KIAA2012: variants seen among roughly 807,000 people sequenced by gnomAD.
KIAA2012 encodes uncharacterized protein KIAA2012.
Under a neutral mutation model 150.6 loss-of-function variants are expected in KIAA2012, and 125 were observed. The ratio of observed to expected loss-of-function variants is 0.83; its 90% CI spans 0.72 to 0.96. The LOEUF (loss-of-function observed/expected upper bound fraction) is 0.96. Among genes scored for constraint, KIAA2012 ranks in the 40% least tolerant of loss-of-function variants. The pLI, the probability that KIAA2012 is intolerant of heterozygous loss-of-function variation, is 0.00. For missense variants in KIAA2012, 1,219 were observed against 1,354.9 expected, an observed-to-expected ratio of 0.90 and a Z score of 1.57; for synonymous variants, 462 against 504.7, an observed-to-expected ratio of 0.92 and a Z score of 1.13.
intron 2 of KIAA2012, among the ~76,000 whole-genome samples, chr2:202,088,470 C>T (rs916848490): frequency 1.3e-5 from 2 of 152,210 alleles, no homozygotes; most frequent in African/African-American, 4.8e-5. Context: ...AAGGATGGGG[C>T]AAGATCTCAA....
chr2:202,150,211 C>G (rs1691393979), intron 13 of KIAA2012, among the ~76,000 whole-genome samples: 1 of 152,162 alleles, frequency 6.6e-6, no homozygotes, highest in Admixed American at 6.5e-5. Flanking sequence ...TTACGCAATG[C>G]CTTCTGTGCA....
chr2:202,203,429 T>C (rs1466170556), intron 23 of KIAA2012, among the ~76,000 whole-genome samples: 1 of 152,198 alleles, frequency 6.6e-6, no homozygotes, highest in Non-Finnish European at 1.5e-5. Context: ...TTCAGCAAAA[T>C]GAGCTGCTTC....
chr2:202,182,119 T>C, intron 15 of KIAA2012, among the ~76,000 whole-genome samples: 1 of 146,314 alleles, frequency 6.8e-6, no homozygotes. Flanking sequence ...TTTTTTTTTT[T>C]TTTTTTTTTT....
At position 202,109,647 on chromosome 2, in the gene KIAA2012, A is replaced by T; in HGVS notation, c.1509A>T (p.Pro503=). The T allele has an allele frequency of 6.5e-7, 1 of 1,549,358 alleles. No individual in the cohort carries two copies. The highest frequency in any genetic ancestry group is 8.7e-7 in the Non-Finnish European group (1 of 1,146,506). ...CCCCACCTCACGATGTGGCCCCACC[A>T]TTGGATCTTCTACCCCCGATTAAAG... is the stretch of plus-strand genomic sequence containing the variant. The part of the protein sequence containing the change: ...DDAPPHDVAP[P]LDLLPPIKGK... Residue 503 remains proline, a synonymous_variant, in exon 10 of 24, where the codon CCA becomes CCT. Transcript: ENST00000498697.
intron 5 of KIAA2012, among the ~76,000 whole-genome samples, chr2:202,099,340 G>T (rs967034476): frequency 9.2e-5 from 14 of 152,070 alleles, no homozygotes; most frequent in Admixed American, 7.2e-4. Context: ...ACTTCATTTT[G>T]ATTTTTAATC....
chr2:202,073,394 G>A lies in KIAA2012; in HGVS notation c.-234G>A. 2.2e-6 allele frequency: 1 copy of A among 463,940 alleles called. No homozygotes were observed. Among genetic ancestry groups the A allele is most frequent in the African/African-American group, 1.9e-5 (1 of 51,822 alleles). The allele number at this position is 463,940 out of a possible 1,614,324, so 28.7% of individuals were successfully genotyped here. A position where few individuals can be genotyped will look rare whatever the true frequency, so the allele number is the denominator to read the frequency against. ...GAGAGTAGACAATCCAGGGCTTGAG[G>A]AGGCTGGCTGTGCGGTTTATTTTTT... On this transcript the variant is annotated 5_prime_UTR_variant, in exon 1 of 24. Coordinates refer to ENST00000498697, the MANE Select transcript of KIAA2012 (RefSeq NM_001277372.4).
chr2:202,186,467 G>A (rs986996125), intron 16 of KIAA2012, among the ~76,000 whole-genome samples: 2 of 150,608 alleles, frequency 1.3e-5, no homozygotes, highest in South Asian at 2.1e-4. Context: ...AGCCCAGATC[G>A]CACCATTGCA....
chr2:202,169,321 AC>A (rs1691835695), intron 15 of KIAA2012, among the ~76,000 whole-genome samples: 1 of 152,202 alleles, frequency 6.6e-6, no homozygotes, highest in South Asian at 2.1e-4. Context: ...CACAGTGAAG[AC>A]TTCAACTGCA....
intron 11 of KIAA2012, chr2:202,116,856 T>TC (rs1255543479): frequency 6.6e-6 from 1 of 152,170 alleles, no homozygotes; most frequent in Non-Finnish European, 1.5e-5. Context: ...CACCAAGGCT[T>TC]CCTCCTTGCT....
chr2:202,125,180 C>T (rs777377260), intron 11 of KIAA2012, 34 bp from the exon 12 acceptor site: 128 of 1,516,448 alleles, frequency 8.4e-5, no homozygotes, highest in Non-Finnish European at 1.1e-4. Flanking sequence ...AGACTTTTTC[C>T]CGCTCTCAGG....
At chr2:202,103,411 G>A (rs1018745165) in intron 8 of KIAA2012, among the ~76,000 whole-genome samples, 3 of 151,864 alleles carry the variant, frequency 2.0e-5, no homozygotes, top group Admixed American at 6.6e-5. Flanking sequence ...TGTTATAAAA[G>A]GGCAAGAATT....
chr2:202,147,899 A>G (rs1486674752), intron 13 of KIAA2012, among the ~76,000 whole-genome samples: 1 of 152,082 alleles, frequency 6.6e-6, no homozygotes. Flanking sequence ...TCATCTCTCA[A>G]ACACAGGCAC....
At chr2:202,119,899 T>C (rs1690618423) in intron 11 of KIAA2012, among the ~76,000 whole-genome samples, 1 of 152,172 alleles carries the variant, frequency 6.6e-6, no homozygotes, top group Admixed American at 6.5e-5. Flanking sequence ...AGGAACCCGG[T>C]GGGAGGTGAT....
chr2:202,160,555 C>A (rs576901383), intron 14 of KIAA2012, among the ~76,000 whole-genome samples: 3 of 152,134 alleles, frequency 2.0e-5, no homozygotes, highest in Non-Finnish European at 4.4e-5. Flanking sequence ...CCTCGTGATC[C>A]GCCCACCTTG....
chr2:202,108,055 G>T (rs1271121220), intron 9 of KIAA2012, among the ~76,000 whole-genome samples: 1 of 152,050 alleles, frequency 6.6e-6, no homozygotes, highest in Non-Finnish European at 1.5e-5. Flanking sequence ...GTTTTTCATG[G>T]CAGTCTTCAC....
intron 2 of KIAA2012, among the ~76,000 whole-genome samples, chr2:202,075,610 C>T (rs568442554): frequency 6.6e-6 from 1 of 152,268 alleles, no homozygotes; most frequent in Non-Finnish European, 1.5e-5. Context: ...TTACCTTGAG[C>T]CCTTCAGCGT....
In KIAA2012 at chr2:202,104,727, G is replaced by T. The variant is rs549683572; in HGVS notation, c.1325-1034G>T. 2.6e-5 allele frequency among the ~76,000 whole-genome samples: 4 copies of T among 152,290 alleles called. No homozygotes were observed. In the East Asian group the frequency reaches 7.7e-4, roughly 29 times the overall value. On this transcript the variant is annotated intron_variant, in intron 8 of 23. Transcript: ENST00000498697. The surrounding 1 kb of genome is among the most constrained non-coding windows in gnomAD (Gnocchi z 4.3). ...AGGGTCAGGAACTCTGGGTTGGTTGGGGTGCATATGACAGGTATGTTCCCA... is the reference window on the plus strand; with the variant it reads ...AGGGTCAGGAACTCTGGGTTGGTTGTGGTGCATATGACAGGTATGTTCCCA...
chr2:202,113,710 C>T, intron 11 of KIAA2012: 1 of 424,812 alleles, frequency 2.4e-6, no homozygotes. Context: ...ATGTGCCACG[C>T]TGATGCCTTG....
At chr2:202,176,541 C>T (rs1691995608) in intron 15 of KIAA2012, among the ~76,000 whole-genome samples, 1 of 152,210 alleles carries the variant, frequency 6.6e-6, no homozygotes, top group Admixed American at 6.5e-5. Flanking sequence ...AACAAGACAA[C>T]ATGAAGTTAA....
Sources: gnomAD v4.1 joint callset for allele counts (sites outside exome capture counted in the v4.1 genomes callset) on GRCh38, gnomAD v4.1.1 for gene constraint, Gnocchi (gnomAD v3.1) non-coding constraint, MANE v1.5 for transcripts, NCBI Gene and HGNC (gene_info 2026-07-23, HGNC 2026-07-21) for gene names.